The following DLG2 variants were observed in gnomAD, a reference collection of about 807,000 sequenced individuals.
DLG2 encodes the protein discs large MAGUK scaffold protein 2.
A neutral mutation model predicts 132.5 loss-of-function variants in DLG2; 45 were observed. That is an observed-to-expected ratio of 0.34 (90% CI 0.27 to 0.44). The LOEUF is 0.44. Among genes scored for constraint, DLG2 ranks in the 20% least tolerant of loss-of-function variants. DLG2 has a pLI of 1.00. For synonymous variants in DLG2, 424 were observed against 419.6 expected, an observed-to-expected ratio of 1.01 and a Z score of -0.13; for missense variants, 1,045 against 1,196.9, an observed-to-expected ratio of 0.87 and a Z score of 1.87.
At chr11:83,684,767 G>A (rs1827732358) in intron 18 of DLG2, among the ~76,000 whole-genome samples, 1 of 151,886 alleles carries the variant, frequency 6.6e-6, no homozygotes, top group Non-Finnish European at 1.5e-5. Context: ...ATCCCCTCAG[G>A]AGCCATTTCT....
intron 4 of DLG2, among the ~76,000 whole-genome samples, chr11:85,199,187 T>G (rs1340285890): frequency 6.6e-6 from 1 of 152,182 alleles, no homozygotes; most frequent in African/African-American, 2.4e-5. Context: ...TTGTGATATA[T>G]TTATATAATG....
At chr11:83,730,697 C>T (rs1359598341) in intron 18 of DLG2, among the ~76,000 whole-genome samples, 9 of 152,168 alleles carry the variant, frequency 5.9e-5, no homozygotes, top group Admixed American at 2.6e-4. Context: ...ACAAACTGCT[C>T]GCTGTGCCTG....
intron 6 of DLG2, among the ~76,000 whole-genome samples, chr11:84,965,072 T>C (rs2053134657): frequency 6.6e-6 from 1 of 152,106 alleles, no homozygotes; most frequent in African/African-American, 2.4e-5. Context: ...ACTCTATACA[T>C]TGTATAAATA....
At chr11:85,369,454 C>T (rs1368017451) in intron 3 of DLG2, among the ~76,000 whole-genome samples, 1 of 152,104 alleles carries the variant, frequency 6.6e-6, no homozygotes, top group Non-Finnish European at 1.5e-5. Flanking sequence ...ACCCCGTCAG[C>T]AGTTAACCTT....
intron 7 of DLG2, among the ~76,000 whole-genome samples, chr11:84,270,689 G>A (rs754800588): frequency 6.6e-6 from 1 of 152,154 alleles, no homozygotes; most frequent in Non-Finnish European, 1.5e-5. Flanking sequence ...GCATTCTAAC[G>A]ATGCGTTAGG....
At chr11:85,280,625 G>A (rs992337834) in intron 4 of DLG2, among the ~76,000 whole-genome samples, 4 of 152,006 alleles carry the variant, frequency 2.6e-5, no homozygotes, top group Admixed American at 2.6e-4. Flanking sequence ...TAAAGCAGAA[G>A]TGAGGAGGAT....
At chr11:84,163,128 A>C (rs750108513) in intron 9 of DLG2, among the ~76,000 whole-genome samples, 1 of 152,178 alleles carries the variant, frequency 6.6e-6, no homozygotes, top group Admixed American at 6.6e-5. Context: ...AAATGAAAAC[A>C]TCTTGTAACA....
chr11:84,444,130 A>G (rs517540), intron 7 of DLG2, among the ~76,000 whole-genome samples: 26,101 of 152,140 alleles, frequency 0.17, 2,287 homozygotes, highest in South Asian at 0.26. Context: ...CCAACACTGC[A>G]TGTTCTCACT....
chr11:84,714,635 CTCTCTCTCTCTT>C (rs1565750786), intron 6 of DLG2, among the ~76,000 whole-genome samples: 14 of 129,062 alleles, frequency 1.1e-4, no homozygotes, highest in African/African-American at 4.1e-4. Flanking sequence ...CTCTCTCTCT[CTCTCTCTCTCTT>C]TCTCTCTCTC....
At chr11:85,249,995 G>T (rs1285798400) in intron 4 of DLG2, among the ~76,000 whole-genome samples, 1 of 152,144 alleles carries the variant, frequency 6.6e-6, no homozygotes, top group Non-Finnish European at 1.5e-5. Context: ...TCAAACTCTG[G>T]TGTAAGGCAG....
chr11:83,639,113 A>G (rs1280233816), intron 18 of DLG2, among the ~76,000 whole-genome samples: 1 of 152,200 alleles, frequency 6.6e-6, no homozygotes, highest in African/African-American at 2.4e-5. Flanking sequence ...TTCGAGACTC[A>G]GGTGGCTTAC....
chr11:85,510,722 A>G (rs1377544242), intron 3 of DLG2, among the ~76,000 whole-genome samples: 3 of 152,198 alleles, frequency 2.0e-5, no homozygotes, highest in Non-Finnish European at 2.9e-5. Context: ...TCAGGAAACA[A>G]TAGGTGCTGG....
chr11:84,482,312 A>G (rs1476216389), intron 7 of DLG2, among the ~76,000 whole-genome samples: 1 of 152,206 alleles, frequency 6.6e-6, no homozygotes, highest in Non-Finnish European at 1.5e-5. Context: ...AGCCTCATGG[A>G]AGTAATCTTT....
intron 7 of DLG2, among the ~76,000 whole-genome samples, chr11:84,378,899 T>C (rs1382827599): frequency 6.6e-6 from 1 of 151,736 alleles, no homozygotes; most frequent in African/African-American, 2.4e-5. Context: ...TGAACCAAGA[T>C]CGCGCCACTT....
chr11:83,786,532 G>A lies in DLG2; in HGVS notation c.1825+158C>T, dbSNP rs141829733. ...GGAAGATTAGAGGTAACAAAGCCAC[G>A]GTTCACGTTCTTTGGACATGAACCA... On this transcript the variant is annotated intron_variant, in intron 18 of 27. Coordinates refer to ENST00000376104, the MANE Select transcript of DLG2 (RefSeq NM_001142699.3). 40 of 583,710 alleles carry A rather than the reference G, an allele frequency of 6.9e-5. 1 individual carries two copies. Among genetic ancestry groups the A allele is most frequent in the South Asian group, 2.1e-4 (8 of 37,898 alleles). The allele number at this position is 583,710 out of a possible 1,614,324, so 36.2% of individuals were successfully genotyped here.
chr11:85,217,318 T>TCTCACACA (rs370686252), intron 4 of DLG2, among the ~76,000 whole-genome samples: 9 of 144,036 alleles, frequency 6.2e-5, no homozygotes, highest in African/African-American at 1.8e-4. Flanking sequence ...TCTCTCTCTC[T>TCTCACACA]CACACACACA....
chr11:84,931,190 T>C (rs535622481), intron 6 of DLG2, among the ~76,000 whole-genome samples: 2 of 152,162 alleles, frequency 1.3e-5, no homozygotes, highest in East Asian at 1.9e-4. Context: ...CAGGGGTTCA[T>C]GTTGAGGTTT....
chr11:83,963,204 A>G (rs552806022), intron 13 of DLG2, among the ~76,000 whole-genome samples, 181 bp from the exon 14 acceptor site: 1 of 152,096 alleles, frequency 6.6e-6, no homozygotes, highest in South Asian at 2.1e-4. Context: ...GCACATGGTG[A>G]CCTTTAGGAT....
intron 19 of DLG2, among the ~76,000 whole-genome samples, chr11:83,555,505 C>T (rs1487759770): frequency 6.6e-6 from 1 of 152,170 alleles, no homozygotes; most frequent in Non-Finnish European, 1.5e-5. Flanking sequence ...ATAGGATGGA[C>T]AGAGGTCTCA....
Sources: gnomAD v4.1 joint callset for allele counts (sites outside exome capture counted in the v4.1 genomes callset) on GRCh38, gnomAD v4.1.1 for gene constraint, MANE v1.5 for transcripts, NCBI Gene and HGNC (gene_info 2026-07-23, HGNC 2026-07-21) for gene names.